The following RBFOX3 variants were observed in gnomAD, a reference collection of about 807,000 sequenced individuals.
The protein encoded by RBFOX3 is RNA binding protein fox-1 homolog 3.
A neutral mutation model predicts 48.7 loss-of-function variants in RBFOX3; 17 were observed. The ratio of observed to expected loss-of-function variants is 0.35; its 90% confidence interval spans 0.24 to 0.52. RBFOX3 has a LOEUF of 0.52. Ranked by LOEUF, RBFOX3 falls within the 20% of genes least tolerant of loss-of-function variation. The probability of loss-of-function intolerance (pLI) is 0.94; values close to 1 mark genes in which losing one functional copy is unlikely to be tolerated. For synonymous variants in RBFOX3, 212 were observed against 209.5 expected, an observed-to-expected ratio of 1.01 and a Z score of -0.10; for missense variants, 382 against 497.5, an observed-to-expected ratio of 0.77 and a Z score of 2.21.
intron 2 of RBFOX3, among the ~76,000 whole-genome samples, chr17:79,312,286 G>GAAAAA (rs10634324): frequency 7.0e-6 from 1 of 143,168 alleles, no homozygotes; most frequent in Non-Finnish European, 1.5e-5. Flanking sequence ...AGCAGATTAA[G>GAAAAA]AAAAAAAAAA....
Position 79,390,626 on chromosome 17 carries a change from T to A in RBFOX3, c.-174-82802A>T, listed in dbSNP as rs1444644768. 1.3e-5 allele frequency among the ~76,000 whole-genome samples: 2 copies of A among 152,138 alleles called. No homozygotes were observed. The highest frequency in any genetic ancestry group is 6.5e-5 in the Admixed American group (1 of 15,284). ...CCAAGTAGCTGGGATTACAGGCGCC[T>A]GCCACCAAACCCAGCTAATTTTGTA... On this transcript the variant is annotated intron_variant, in intron 2 of 14. Transcript: ENST00000693108. The surrounding 1 kb of genome is among the most constrained non-coding windows in gnomAD (Gnocchi z 4.2).
At chr17:79,306,030 C>T (rs906343916) in intron 3 of RBFOX3, among the ~76,000 whole-genome samples, 35 of 152,242 alleles carry the variant, frequency 2.3e-4, no homozygotes, top group Non-Finnish European at 3.1e-4. Flanking sequence ...AAAGCAGCAG[C>T]GTCTACAGTC....
chr17:79,664,763 G>A, the RBFOX3 span, among the ~76,000 whole-genome samples: 23 of 152,110 alleles, frequency 1.5e-4, no homozygotes, highest in African/African-American at 5.3e-4. Context: ...GTCCCCATTA[G>A]ATGACACCTC....
intron 2 of RBFOX3, among the ~76,000 whole-genome samples, chr17:79,454,109 C>T (rs1305631530): frequency 6.6e-6 from 1 of 152,098 alleles, no homozygotes; most frequent in Non-Finnish European, 1.5e-5. Flanking sequence ...GTCTGGAGCC[C>T]TGCCCCATCA....
chr17:79,257,842 A>C (rs1172961400), intron 3 of RBFOX3, among the ~76,000 whole-genome samples: 3 of 152,086 alleles, frequency 2.0e-5, no homozygotes, highest in Non-Finnish European at 2.9e-5. Context: ...CAGCCTCCCA[A>C]AGTGCTGGGA....
chr17:79,515,981 C>T (rs1935270921), intron 1 of RBFOX3: 1 of 152,352 alleles, frequency 6.6e-6, no homozygotes, highest in Non-Finnish European at 1.5e-5. Flanking sequence ...AAGGTGTCCT[C>T]GACTCCAACA....
At chr17:79,475,675 C>T (rs2077629639) in intron 2 of RBFOX3, among the ~76,000 whole-genome samples, 1 of 152,190 alleles carries the variant, frequency 6.6e-6, no homozygotes, top group Non-Finnish European at 1.5e-5. Flanking sequence ...CATGCGTGCA[C>T]ACATGTACAC....
At chr17:79,288,756 G>A (rs994378526) in intron 3 of RBFOX3, among the ~76,000 whole-genome samples, 16 of 151,820 alleles carry the variant, frequency 1.1e-4, no homozygotes, top group Admixed American at 4.6e-4. Context: ...CCATCTCCAC[G>A]TTTCATGTCC....
chr17:79,108,038 T>A (rs1319828743), intron 5 of RBFOX3, among the ~76,000 whole-genome samples: 1 of 152,378 alleles, frequency 6.6e-6, no homozygotes, highest in Non-Finnish European at 1.5e-5. Flanking sequence ...AATTCCATGC[T>A]GCCCCTTAGG....
chr17:79,575,902 C>G (rs1248348372), intron 1 of RBFOX3, among the ~76,000 whole-genome samples: 1 of 152,168 alleles, frequency 6.6e-6, no homozygotes, highest in African/African-American at 2.4e-5. Flanking sequence ...TGATCCAAAC[C>G]AAACTTCCAA....
intron 1 of RBFOX3, among the ~76,000 whole-genome samples, chr17:79,537,231 C>A (rs1555788958): frequency 6.6e-6 from 1 of 152,212 alleles, no homozygotes; most frequent in African/African-American, 2.4e-5. Flanking sequence ...TCCTCCCTCG[C>A]CCCTTCCGGC....
chr17:79,630,209 C>T, the RBFOX3 span, among the ~76,000 whole-genome samples: 1,716 of 152,280 alleles, frequency 0.011, 27 homozygotes, highest in African/African-American at 0.038. Context: ...CCACGATGCT[C>T]GAGAACCCCG....
In RBFOX3 at chr17:79,164,542, G is replaced by A. The variant is rs183966834; in HGVS notation, c.-33-48794C>T. On this transcript the variant is annotated intron_variant, in intron 4 of 14. Coordinates refer to ENST00000693108, the MANE Select transcript of RBFOX3 (RefSeq NM_001350451.2). The stretch of plus-strand genomic sequence containing the variant: ...TAATTAACACCTTGGGTGCCTTGGC[G>A]CATGGCCAGCTGTGCCAGTGAAAAC... Among the ~76,000 whole-genome samples, 10 of 152,328 alleles carry A rather than the reference G, an allele frequency of 6.6e-5. No individual in the cohort carries two copies. In the South Asian group the frequency reaches 1.2e-3, roughly 19 times the overall value.
intron 4 of RBFOX3, among the ~76,000 whole-genome samples, chr17:79,119,297 G>A (rs1308521751): frequency 1.3e-5 from 2 of 152,214 alleles, no homozygotes; most frequent in Admixed American, 1.3e-4. Context: ...TGTGACACTA[G>A]AATAAAACAG....
chr17:79,396,145 C>G (rs551106232), intron 2 of RBFOX3, among the ~76,000 whole-genome samples: 1 of 152,384 alleles, frequency 6.6e-6, no homozygotes, highest in African/African-American at 2.4e-5. Flanking sequence ...CCGGAGGGCC[C>G]TGCCTCCAAA....
intron 2 of RBFOX3, among the ~76,000 whole-genome samples, chr17:79,367,118 C>T (rs951600836): frequency 6.6e-6 from 1 of 152,136 alleles, no homozygotes; most frequent in African/African-American, 2.4e-5. Flanking sequence ...AGTGCTGACC[C>T]CAGGCCTGCA....
intron 1 of RBFOX3, among the ~76,000 whole-genome samples, chr17:79,496,849 G>T (rs903306561): frequency 4.4e-4 from 67 of 152,306 alleles, no homozygotes; most frequent in Non-Finnish European, 7.8e-4. Flanking sequence ...GCCTCCCACG[G>T]AGCTGGGAGC....
chr17:79,312,698 T>A (rs772436969), intron 2 of RBFOX3, among the ~76,000 whole-genome samples: 14 of 152,166 alleles, frequency 9.2e-5, no homozygotes, highest in Non-Finnish European at 1.3e-4. Flanking sequence ...AGCTCCTTCA[T>A]GCACATAAAA....
intron 1 of RBFOX3, among the ~76,000 whole-genome samples, chr17:79,594,220 G>A (rs1365815332): frequency 6.6e-6 from 1 of 152,228 alleles, no homozygotes; most frequent in Non-Finnish European, 1.5e-5. Context: ...GTGCTAGAAT[G>A]TTCTTTAAAA....
Sources: gnomAD v4.1 joint callset for allele counts (sites outside exome capture counted in the v4.1 genomes callset) on GRCh38, gnomAD v4.1.1 for gene constraint, Gnocchi (gnomAD v3.1) non-coding constraint, MANE v1.5 for transcripts, NCBI Gene and HGNC (gene_info 2026-07-23, HGNC 2026-07-21) for gene names.